The following ALLC variants were observed in gnomAD, a reference collection of about 807,000 sequenced individuals.
ALLC encodes allantoicase.
A neutral mutation model predicts 45.0 loss-of-function variants in ALLC; 40 were observed. The ratio of observed to expected loss-of-function variants is 0.89; its 90% confidence interval spans 0.69 to 1.16. ALLC has a LOEUF of 1.16. Among genes scored for constraint, ALLC ranks in the 50% most tolerant of loss-of-function variants. The pLI, the probability that ALLC is intolerant of heterozygous loss-of-function variation, is 0.00. For synonymous variants in ALLC, 176 were observed against 178.1 expected (o/e 0.99, Z 0.09); for missense variants, 488 against 493.1 (o/e 0.99, Z 0.10).
chr2:3,661,360 C>A (rs1168407907), intron 1 of ALLC, among the ~76,000 whole-genome samples: 1 of 152,176 alleles, frequency 6.6e-6, no homozygotes, highest in Non-Finnish European at 1.5e-5. Flanking sequence ...GGGTCATTGG[C>A]AGAAAAGCCT....
the ALLC span, among the ~76,000 whole-genome samples, chr2:3,646,071 T>TA: frequency 1.3e-5 from 2 of 151,924 alleles, no homozygotes; most frequent in African/African-American, 4.8e-5. Flanking sequence ...CCTTGGAAAA[T>TA]AGAGTGTCTC....
intron 1 of ALLC, among the ~76,000 whole-genome samples, chr2:3,670,228 C>T (rs1274372671): frequency 1.3e-5 from 2 of 152,192 alleles, no homozygotes; most frequent in African/African-American, 2.4e-5. Flanking sequence ...TAATTATATT[C>T]CTGTAATTTC....
intron 10 of ALLC, among the ~76,000 whole-genome samples, chr2:3,698,898 C>G (rs1356494882): frequency 6.6e-6 from 1 of 152,152 alleles, no homozygotes; most frequent in Non-Finnish European, 1.5e-5. Context: ...ATTATTGTGA[C>G]TTTACTCAAT....
Position 3,680,765 on chromosome 2 carries a change from G to A in ALLC, c.298+771G>A, listed in dbSNP as rs1391673798. Among the ~76,000 whole-genome samples the A allele has an allele frequency of 1.3e-5, 2 of 152,148 alleles. No homozygotes were observed. The highest frequency in any genetic ancestry group is 2.9e-5 in the Non-Finnish European group (2 of 68,034). On this transcript the variant is annotated intron_variant, in intron 5 of 11. Coordinates refer to ENST00000252505, the MANE Select transcript of ALLC (RefSeq NM_018436.4). The surrounding 1 kb of genome is among the most constrained non-coding windows in gnomAD (Gnocchi z 4.0). ...GGCAGCCTCCAGAACAGGGAAGAGG[G>A]CGGTGTGCGTCACAGCCTCTGATTT...
chr2:3,656,590 T>C (rs1666444676), upstream of ALLC, among the ~76,000 whole-genome samples: 1 of 152,240 alleles, frequency 6.6e-6, no homozygotes, highest in Non-Finnish European at 1.5e-5. Flanking sequence ...CCACGTCGGA[T>C]GGGGCAGCTA....
In ALLC at chr2:3,680,196, G is replaced by A. The variant is rs1667140742; in HGVS notation, c.298+202G>A. On this transcript the variant is annotated intron_variant, in intron 5 of 11. Transcript: ENST00000252505. The surrounding 1 kb of genome is among the most constrained non-coding windows in gnomAD (Gnocchi z 4.0). ...GGTTTTTGATTTGTGGCTTAATAGT[G>A]TTAACAGCCAGATATAGATTTTATC... 6.6e-6 allele frequency among the ~76,000 whole-genome samples: 1 copy of A among 152,210 alleles called. No individual in the cohort carries two copies.
At chr2:3,650,561 T>G in the ALLC span, among the ~76,000 whole-genome samples, 1 of 136,622 alleles carries the variant, frequency 7.3e-6, no homozygotes, top group South Asian at 2.4e-4. Flanking sequence ...CCGGTGAACA[T>G]GTGGGCCCTG....
chr2:3,697,360 G>A lies in ALLC; in HGVS notation c.754G>A (p.Gly252Ser), dbSNP rs1243489513. The A allele has an allele frequency of 6.2e-7, 1 of 1,613,518 alleles. No homozygotes were observed. Residue 252 changes from glycine to serine, a missense_variant, in exon 10 of 12, where the codon GGC (glycine) becomes AGC (serine). By Grantham distance (56) the Gly-to-Ser change is moderately conservative. Coordinates refer to ENST00000252505, the MANE Select transcript of ALLC (RefSeq NM_018436.4). ...RPPILENDENGILLVPGCEWA... is the reference protein window; with the variant it reads ...RPPILENDENSILLVPGCEWA... ...TTCTGAATTCCAGAATGATGAGAAT[G>A]GCATTCTCTTGGTTCCGGGTTGTGA... is the stretch of plus-strand genomic sequence containing the variant.
At chr2:3,667,346 C>T (rs145257407) in intron 1 of ALLC, among the ~76,000 whole-genome samples, 54 of 152,362 alleles carry the variant, frequency 3.5e-4, no homozygotes, top group African/African-American at 1.2e-3. Context: ...CCGGGCATGG[C>T]GTCTGTGCAT....
intron 1 of ALLC, among the ~76,000 whole-genome samples, chr2:3,663,544 C>A (rs1453134413): frequency 3.3e-5 from 5 of 151,824 alleles, no homozygotes; most frequent in Non-Finnish European, 7.4e-5. Flanking sequence ...ACGGAACAAA[C>A]CTGCACATCC....
chr2:3,678,655 T>C (rs1321352024), intron 4 of ALLC, 100 bp downstream of exon 4: 8 of 888,712 alleles, frequency 9.0e-6, no homozygotes, highest in Non-Finnish European at 1.3e-5. Context: ...AGCTTTAACA[T>C]GGGGCCCTGG....
At chr2:3,682,429 C>G (rs1053838542) in intron 6 of ALLC, among the ~76,000 whole-genome samples, 1 of 152,192 alleles carries the variant, frequency 6.6e-6, no homozygotes, top group African/African-American at 2.4e-5. Flanking sequence ...TCAGTGAAAA[C>G]AAAACAGGCC....
chr2:3,674,183 C>A, intron 3 of ALLC, 58 bp downstream of exon 3: 1 of 1,276,686 alleles, frequency 7.8e-7, no homozygotes, highest in Non-Finnish European at 1.1e-6. Context: ...TCTATGCCGC[C>A]TTGTTATTAA....
intron 7 of ALLC, among the ~76,000 whole-genome samples, chr2:3,684,515 A>G (rs1168655450): frequency 6.6e-6 from 1 of 152,186 alleles, no homozygotes; most frequent in Non-Finnish European, 1.5e-5. Flanking sequence ...TGGTGCACCC[A>G]TCACCAGAGC....
At chr2:3,672,344 G>T in intron 2 of ALLC, among the ~76,000 whole-genome samples, 1 of 119,182 alleles carries the variant, frequency 8.4e-6, no homozygotes, top group Non-Finnish European at 1.8e-5. Flanking sequence ...AGGTCCTCTG[G>T]CTCTGGTTAG....
the ALLC span, among the ~76,000 whole-genome samples, chr2:3,650,139 C>T: frequency 5.3e-5 from 8 of 152,248 alleles, no homozygotes; most frequent in Non-Finnish European, 1.0e-4. Flanking sequence ...ACTGGCTGCA[C>T]AGTGCCCTCA....
At chr2:3,687,476 T>C (rs1390655989) in intron 7 of ALLC, among the ~76,000 whole-genome samples, 1 of 151,028 alleles carries the variant, frequency 6.6e-6, no homozygotes, top group African/African-American at 2.4e-5. Flanking sequence ...GAAGTACTCC[T>C]GCTTCAATTT....
At chr2:3,674,295 A>G (rs1224450812) in intron 3 of ALLC, among the ~76,000 whole-genome samples, 170 bp downstream of exon 3, 2 of 152,226 alleles carry the variant, frequency 1.3e-5, no homozygotes, top group African/African-American at 4.8e-5. Flanking sequence ...CTCATGCCAA[A>G]ACATAGCAGA....
Position 3,680,942 on chromosome 2 carries a change from T to A in ALLC, c.299-692T>A, listed in dbSNP as rs1667160639. Among the ~76,000 whole-genome samples the A allele has an allele frequency of 6.6e-6, 1 of 152,202 alleles. No homozygotes were observed. The highest frequency in any genetic ancestry group is 2.1e-4 in the South Asian group (1 of 4,832). Reference sequence around the variant, plus strand: ...ACTTTGTCTCCACAGACTTTCTGTATTTTTATTCCTTTGTTACCATCTGAT... The same window carrying A: ...ACTTTGTCTCCACAGACTTTCTGTAATTTTATTCCTTTGTTACCATCTGAT... On this transcript the variant is annotated intron_variant, in intron 5 of 11. Coordinates refer to ENST00000252505, the MANE Select transcript of ALLC (RefSeq NM_018436.4). This position sits in a 1 kb window ranked among gnomAD's most constrained non-coding sequence, Gnocchi z 4.0.
Sources: allele counts gnomAD v4.1 joint callset (sites outside exome capture counted in the v4.1 genomes callset), GRCh38; gene constraint gnomAD v4.1.1; non-coding constraint Gnocchi (gnomAD v3.1); transcripts MANE v1.5; gene names NCBI Gene and HGNC (gene_info 2026-07-23, HGNC 2026-07-21).